The following ZNF445 variants were observed in gnomAD, a reference collection of about 807,000 sequenced individuals.
ZNF445 encodes zinc finger protein 168.
Under a neutral mutation model 93.9 loss-of-function variants are expected in ZNF445, and 19 were observed. That is an observed-to-expected ratio of 0.20 (90% CI 0.14 to 0.30). The LOEUF (loss-of-function observed/expected upper bound fraction) is 0.30, where lower values mean the gene tolerates loss of function less well. Among genes scored for constraint, ZNF445 ranks in the 10% least tolerant of loss-of-function variants. The pLI is 1.00. For synonymous variants in ZNF445, 449 were observed against 446.3 expected (o/e 1.01, Z -0.08); for missense variants, 1,058 against 1,259.4 (o/e 0.84, Z 2.42).
At chr3:44,451,755 C>T (rs1697961672) in intron 3 of ZNF445, among the ~76,000 whole-genome samples, 1 of 152,164 alleles carries the variant, frequency 6.6e-6, no homozygotes. Context: ...TAACTCAGTA[C>T]AGCACTCTTG....
intron 1 of ZNF445, among the ~76,000 whole-genome samples, chr3:44,465,065 TAAAAAAAAAAA>T (rs34412481): frequency 3.4e-4 from 38 of 113,378 alleles, no homozygotes; most frequent in African/African-American, 1.2e-3. Flanking sequence ...AGACTCCGCC[TAAAAAAAAAAA>T]AAAAAAAAAA....
In ZNF445 at chr3:44,446,424, C is replaced by T; in HGVS notation, c.*151G>A. On this transcript the variant is annotated 3_prime_UTR_variant, in exon 8 of 8. Coordinates refer to ENST00000396077, the MANE Select transcript of ZNF445 (RefSeq NM_181489.6). This position sits in a 1 kb window ranked among gnomAD's most constrained non-coding sequence, Gnocchi z 4.2. The stretch of plus-strand genomic sequence containing the variant: ...ATCCTAGCAGGCAGGCTGGGGACTC[C>T]CCGAGCTTTCAAATCCTTGGGATTC... The T allele has an allele frequency of 1.7e-6, 2 of 1,168,514 alleles. No individual in the cohort carries two copies. Among genetic ancestry groups the T allele is most frequent in the Non-Finnish European group, 2.4e-6 (2 of 841,596 alleles). The allele number at this position is 1,168,514 out of a possible 1,614,324, so 72.4% of individuals were successfully genotyped here.
At position 44,455,485 on chromosome 3, in the gene ZNF445, C is replaced by A; in HGVS notation, c.65G>T (p.Arg22Leu). The A allele has an allele frequency of 6.2e-7, 1 of 1,613,688 alleles. No individual in the cohort carries two copies. The highest frequency in any genetic ancestry group is 8.5e-7 in the Non-Finnish European group (1 of 1,179,744). Residue 22 changes from arginine (R) to leucine (L), a missense_variant, in exon 3 of 8, where the codon CGG (arginine) becomes CTG (leucine). This residue lies in a region of ZNF445 where 657 missense variants were observed against 746.4 expected (regional missense o/e 0.88). Coordinates refer to ENST00000396077, the MANE Select transcript of ZNF445 (RefSeq NM_181489.6). ...TTCTTCCTTCTTTACTGTCTGAAGC[C>A]GCCCTCGCTCCCTCGAAGACTGGGC... Reference protein sequence around the residue: ...AQAQSSRERGRLQTVKKEEED... With the variant: ...AQAQSSRERGLLQTVKKEEED...
chr3:44,449,668 C>G, intron 6 of ZNF445, 45 bp from the exon 7 acceptor site: 1 of 1,492,072 alleles, frequency 6.7e-7, no homozygotes, highest in Non-Finnish European at 9.3e-7. Context: ...ATGGATGACA[C>G]AGAACTACTC....
rs1697906526 is a variant in ZNF445, at chr3:44,448,245, G to C, written c.1426C>G (p.Gln476Glu). 4 of 1,614,194 alleles carry C rather than the reference G, an allele frequency of 2.5e-6. No individual in the cohort carries two copies. The East Asian group carries it at 8.9e-5, about 36-fold the overall frequency. ...GACACTCCCACTGTGTGAAGACTCTGCCCACGTTGGTGATGAGAGCTAAGG... is the reference window on the plus strand; with the variant it reads ...GACACTCCCACTGTGTGAAGACTCTCCCCACGTTGGTGATGAGAGCTAAGG... ...FSLSSHHQRGQSLHTVGVSFK... is the reference protein window; with the variant it reads ...FSLSSHHQRGESLHTVGVSFK... The change falls in exon 8 of 8, where the codon CAG (glutamine) becomes GAG (glutamate). Residue 476 changes from glutamine (Q) to glutamate (E), a missense_variant. Physicochemically the swap from Gln to Glu is conservative, Grantham distance 29. Around this residue, in one of 3 missense-constraint regions of ZNF445, gnomAD observed 657 missense variants for 746.4 expected, o/e 0.88. Transcript: ENST00000396077.
intron 1 of ZNF445, among the ~76,000 whole-genome samples, chr3:44,463,551 G>T (rs1317911897): frequency 6.6e-6 from 1 of 152,178 alleles, no homozygotes; most frequent in South Asian, 2.1e-4. Flanking sequence ...TGTGTTATCT[G>T]ATGGTTTTGA....
chr3:44,439,928 C>G lies in ZNF445; in HGVS notation c.*6647G>C, dbSNP rs1274355105. On this transcript the variant is annotated 3_prime_UTR_variant, in exon 8 of 8. Transcript: ENST00000396077. ...GTGCATTTGACAGTCAGGGTTTGCA[C>G]AGTTTGAACTTCCCCTCTGACGCAA... 1.3e-5 allele frequency: 2 copies of G among 152,188 alleles called. No individual in the cohort carries two copies. Among genetic ancestry groups the G allele is most frequent in the Non-Finnish European group, 2.9e-5 (2 of 68,056 alleles). 9.4% of individuals were successfully genotyped at this position (152,188 alleles called of 1,614,324 possible). A position where few individuals can be genotyped will look rare whatever the true frequency, so the allele number is the denominator to read the frequency against.
chr3:44,453,638 A>C (rs1209103196), intron 3 of ZNF445, among the ~76,000 whole-genome samples: 1 of 152,138 alleles, frequency 6.6e-6, no homozygotes, highest in Non-Finnish European at 1.5e-5. Flanking sequence ...AAAAGTGATA[A>C]ATGCTTTTTT....
In ZNF445 at chr3:44,457,034, C is replaced by A. The variant is rs552244014; in HGVS notation, c.-148+1210G>T. On this transcript the variant is annotated intron_variant, in intron 2 of 7. Coordinates refer to ENST00000396077, the MANE Select transcript of ZNF445 (RefSeq NM_181489.6). ...ATCCCAGCTACTCGGGAGGCTGAGG[C>A]ACAAGAATTGCTTGCGCCTGGGAAG... 3.3e-5 allele frequency among the ~76,000 whole-genome samples: 5 copies of A among 152,244 alleles called. No homozygotes were observed. The East Asian group carries it at 7.7e-4, about 24-fold the overall frequency.
Position 44,450,524 on chromosome 3 carries a change from C to T in ZNF445, c.743G>A (p.Trp248Ter). The stretch of plus-strand genomic sequence containing the variant: ...CCTCTGAGCAGAGTCCAGCCACCCC[C>T]ACTCGTCCTGGGAGAAGGTCACCTC... ...DVEVTFSQDE[W>*]GWLDSAQRNL... Residue 248 changes from tryptophan to a stop codon, truncating the protein, a stop_gained, in exon 6 of 8, where the codon TGG becomes TAG. Transcript: ENST00000396077. LOFTEE classifies it high-confidence loss of function. 6.2e-7 allele frequency: 1 copy of T among 1,614,170 alleles called. No individual in the cohort carries two copies. Among genetic ancestry groups the T allele is most frequent in the Non-Finnish European group, 8.5e-7 (1 of 1,180,034 alleles).
chr3:44,460,852 T>A (rs1470570541), intron 1 of ZNF445, among the ~76,000 whole-genome samples: 1 of 152,156 alleles, frequency 6.6e-6, no homozygotes, highest in Non-Finnish European at 1.5e-5. Flanking sequence ...CGGTTACAAA[T>A]TTGGGGGCTT....
At chr3:44,455,100 C>T in intron 3 of ZNF445, 21 bp downstream of exon 3, 1 of 1,613,980 alleles carries the variant, frequency 6.2e-7, no homozygotes, top group Non-Finnish European at 8.5e-7. Context: ...CCCTGGGCAC[C>T]ACACACTTGC....
intron 5 of ZNF445, 82 bp from the exon 6 acceptor site, chr3:44,450,655 C>T: frequency 6.4e-7 from 1 of 1,553,114 alleles, no homozygotes; most frequent in Non-Finnish European, 8.7e-7. Flanking sequence ...TAAACTGGCT[C>T]TGTGTGAGTG....
chr3:44,475,726 C>A (rs1408386937), intron 1 of ZNF445, among the ~76,000 whole-genome samples: 1 of 152,032 alleles, frequency 6.6e-6, no homozygotes, highest in African/African-American at 2.4e-5. Flanking sequence ...GAGGCGGGCA[C>A]GGTGGCTCAC....
chr3:44,452,488 A>G (rs1200628341), intron 3 of ZNF445, among the ~76,000 whole-genome samples: 1 of 152,206 alleles, frequency 6.6e-6, no homozygotes, highest in Non-Finnish European at 1.5e-5. Context: ...ATATATCTTA[A>G]AGCATTTCTC....
At chr3:44,470,929 GA>G (rs1044445528) in intron 1 of ZNF445, among the ~76,000 whole-genome samples, 2 of 147,154 alleles carry the variant, frequency 1.4e-5, no homozygotes, top group East Asian at 2.0e-4. Context: ...GATGTAAGGA[GA>G]AAAAAAAACA....
intron 1 of ZNF445, among the ~76,000 whole-genome samples, chr3:44,474,335 T>C (rs908664889): frequency 1.3e-5 from 2 of 151,876 alleles, no homozygotes; most frequent in African/African-American, 4.8e-5. Context: ...ACCAACATGG[T>C]GAAACCCTGC....
In ZNF445 at chr3:44,432,070, G is replaced by C. The variant is rs1291468109; in HGVS notation, c.*14505C>G. ...GCCACTGCACGTGGCTACATGTTTT[G>C]TATTTTTAGTAGAGACGGGGTTTCA... On this transcript the variant is annotated 3_prime_UTR_variant, in exon 8 of 8. Transcript: ENST00000396077. 1.3e-5 allele frequency: 2 copies of C among 152,140 alleles called. No homozygotes were observed. The highest frequency in any genetic ancestry group is 1.5e-5 in the Non-Finnish European group (1 of 68,044). 9.4% of individuals were successfully genotyped at this position (152,140 alleles called of 1,614,324 possible). A position where few individuals can be genotyped will look rare whatever the true frequency, so the allele number is the denominator to read the frequency against.
At position 44,448,557 on chromosome 3, in the gene ZNF445, T is replaced by C. The variant is rs149880134; in HGVS notation, c.1114A>G (p.Arg372Gly). The C allele has an allele frequency of 1.4e-4, 222 of 1,614,126 alleles. No individual in the cohort carries two copies. The African/African-American group carries it at 2.7e-3, about 19-fold the overall frequency. The change falls in exon 8 of 8, where the codon AGA (arginine) becomes GGA (glycine). Residue 372 changes from arginine to glycine, a missense_variant. Arg to Gly is a moderately radical substitution (Grantham distance 125). This residue lies in a region of ZNF445 where 657 missense variants were observed against 746.4 expected (regional missense o/e 0.88). Transcript: ENST00000396077. ...AAATTGGTCTCTTCTTTCTTAACTCTTACTTGTATGGGATTTTCACATTGA... is the reference window on the plus strand; with the variant it reads ...AAATTGGTCTCTTCTTTCTTAACTCCTACTTGTATGGGATTTTCACATTGA... ...KDQCENPIQV[R>G]VKKEETNFSH...
Sources: allele counts gnomAD v4.1 joint callset (sites outside exome capture counted in the v4.1 genomes callset), GRCh38; gene constraint gnomAD v4.1.1; regional missense constraint gnomAD v4.1.1; non-coding constraint Gnocchi (gnomAD v3.1); transcripts MANE v1.5; gene names NCBI Gene and HGNC (gene_info 2026-07-23, HGNC 2026-07-21).